ZNF341: variants seen among roughly 807,000 people sequenced by gnomAD.
ZNF341 encodes the protein zinc finger protein 341.
In ZNF341, 52 loss-of-function variants were observed where a neutral mutation model predicts 87.7. The ratio of observed to expected loss-of-function variants is 0.59; its 90% confidence interval spans 0.47 to 0.75. ZNF341 has a LOEUF of 0.75. ZNF341 is among the 30% of genes least tolerant of loss of function. The pLI, the probability that ZNF341 is intolerant of heterozygous loss-of-function variation, is 0.00. For synonymous variants in ZNF341, 459 were observed against 472.7 expected (o/e 0.97, Z 0.38); for missense variants, 977 against 1,145.9 (o/e 0.85, Z 2.13).
intron 6 of ZNF341, 137 bp from the exon 7 acceptor site, chr20:33,758,579 C>T (rs2019228523): frequency 1.6e-6 from 1 of 630,668 alleles, no homozygotes; most frequent in Non-Finnish European, 2.8e-6. Flanking sequence ...TCCCATGTCT[C>T]CTCCCTGGCC....
chr20:33,753,469 C>G (rs763778422), intron 5 of ZNF341, 46 bp downstream of exon 5: 2 of 1,515,262 alleles, frequency 1.3e-6, no homozygotes, highest in African/African-American at 2.7e-5. Flanking sequence ...TCATGGACAT[C>G]ATGGCCAACC....
In ZNF341 at chr20:33,785,140, C is replaced by T. The variant is rs530573666; in HGVS notation, c.1852+1276C>T. 2.6e-4 allele frequency among the ~76,000 whole-genome samples: 40 copies of T among 152,138 alleles called. No individual in the cohort carries two copies. In the South Asian group the frequency reaches 7.9e-3, roughly 30 times the overall value. On this transcript the variant is annotated intron_variant, in intron 12 of 14. Coordinates refer to ENST00000375200, the MANE Select transcript of ZNF341 (RefSeq NM_001282933.2). ...AGAAAACTTGAGGGAAAATCCTTGA[C>T]GGGACAAAAGCATATATAAAAAAAT...
chr20:33,741,019 A>ATC lies in ZNF341; in HGVS notation c.142+9_142+10dup. The ATC allele has an allele frequency of 6.2e-7, 1 of 1,613,072 alleles. No individual in the cohort carries two copies. Among genetic ancestry groups the ATC allele is most frequent in the Non-Finnish European group, 8.5e-7 (1 of 1,179,040 alleles). ...CCTGCTATCCAGCCATTGGGTGAGT[A>ATC]TCTGCTCAGGTTCACCGGTGGGAGA... is the stretch of plus-strand genomic sequence containing the variant. On this transcript the variant is annotated splice_region_variant and intron_variant, in intron 2 of 14. Transcript: ENST00000375200.
At chr20:33,775,951 CA>C (rs1351820221) in intron 10 of ZNF341, among the ~76,000 whole-genome samples, 23 of 152,162 alleles carry the variant, frequency 1.5e-4, no homozygotes, top group African/African-American at 5.5e-4. Flanking sequence ...CCACCCTCCT[CA>C]GCCTCCCAAA....
chr20:33,750,934 C>T (rs1234485133), intron 4 of ZNF341, among the ~76,000 whole-genome samples: 1 of 152,072 alleles, frequency 6.6e-6, no homozygotes, highest in African/African-American at 2.4e-5. Flanking sequence ...AGCCACCGTG[C>T]CTGGCCTAAA....
intron 6 of ZNF341, among the ~76,000 whole-genome samples, chr20:33,758,431 A>G (rs556251487): frequency 6.6e-6 from 1 of 152,310 alleles, no homozygotes; most frequent in East Asian, 1.9e-4. Context: ...TGTCAGGAGT[A>G]AGGGGATACA....
intron 8 of ZNF341, among the ~76,000 whole-genome samples, chr20:33,764,243 G>GT (rs2019351958): frequency 6.7e-6 from 1 of 150,146 alleles, no homozygotes; most frequent in Non-Finnish European, 1.5e-5. Context: ...TAGCCAGGAT[G>GT]GTCTCCATCT....
intron 12 of ZNF341, among the ~76,000 whole-genome samples, chr20:33,785,057 AT>A (rs1456030616): frequency 1.3e-5 from 2 of 152,106 alleles, no homozygotes; most frequent in African/African-American, 4.8e-5. Context: ...TAATCTTTAG[AT>A]TTTTTTATTA....
intron 12 of ZNF341, 48 bp downstream of exon 12, chr20:33,783,912 C>G (rs775611307): frequency 1.3e-6 from 2 of 1,554,360 alleles, no homozygotes; most frequent in African/African-American, 1.4e-5. Context: ...TCCCCTCCCC[C>G]TCCCCCTCTC....
At chr20:33,771,084 T>C (rs1014116763) in intron 10 of ZNF341, among the ~76,000 whole-genome samples, 39 of 151,878 alleles carry the variant, frequency 2.6e-4, no homozygotes, top group African/African-American at 9.4e-4. Context: ...ACCGTGTCAC[T>C]GCACTCCAGC....
At chr20:33,777,545 A>C (rs1177802501) in intron 10 of ZNF341, among the ~76,000 whole-genome samples, 1 of 151,458 alleles carries the variant, frequency 6.6e-6, no homozygotes, top group Non-Finnish European at 1.5e-5. Context: ...GAGGCAGGAG[A>C]ATCCCTTGAA....
chr20:33,759,757 GGAGAGAGAGAGAGAGGGAGA>G (rs2019254344), intron 7 of ZNF341, among the ~76,000 whole-genome samples: 1 of 151,162 alleles, frequency 6.6e-6, no homozygotes, highest in Middle Eastern at 3.4e-3. Context: ...TATAACAAAA[GGAGAGAGAGAGAGAGGGAGA>G]GAGAGAGAGA....
chr20:33,779,260 C>T (rs2019690980), intron 10 of ZNF341, among the ~76,000 whole-genome samples: 1 of 152,052 alleles, frequency 6.6e-6, no homozygotes, highest in Non-Finnish European at 1.5e-5. Context: ...AGCTAGATCT[C>T]ATGAGAACTC....
At chr20:33,787,114 GAC>G (rs766092018) in intron 12 of ZNF341, 1 of 150,972 alleles carries the variant, frequency 6.6e-6, no homozygotes, top group Non-Finnish European at 1.5e-5. Flanking sequence ...AGTTGCCACT[GAC>G]ACTTTGGTCT....
At chr20:33,751,190 A>G (rs1305904749) in intron 4 of ZNF341, among the ~76,000 whole-genome samples, 1 of 152,108 alleles carries the variant, frequency 6.6e-6, no homozygotes, top group Non-Finnish European at 1.5e-5. Flanking sequence ...TTTTATGAAA[A>G]TGGCTGGAGT....
chr20:33,752,120 T>C (rs2019071448), intron 4 of ZNF341: 2 of 356,854 alleles, frequency 5.6e-6, no homozygotes, highest in Admixed American at 3.8e-5. Flanking sequence ...CCCCCCCCCT[T>C]TTTTTTTAAT....
Position 33,749,081 on chromosome 20 carries a change from G to A in ZNF341, c.489+9G>A, listed in dbSNP as rs768423474. ...GCCCCCCACCTGTGCAGGTAAGAAG[G>A]TGTGGGCTTCTCACAGGGTCTTGAT... On this transcript the variant is annotated intron_variant, in intron 4 of 14. Coordinates refer to ENST00000375200, the MANE Select transcript of ZNF341 (RefSeq NM_001282933.2). The A allele has an allele frequency of 1.1e-5, 18 of 1,610,648 alleles. No homozygotes were observed. In the East Asian group the frequency reaches 1.6e-4, roughly 14 times the overall value.
rs910498188 is a variant in ZNF341, at chr20:33,788,975, G to T, written c.1964+1G>T. On this transcript the variant is annotated splice_donor_variant, in intron 13 of 14. Coordinates refer to ENST00000375200, the MANE Select transcript of ZNF341 (RefSeq NM_001282933.2). LOFTEE classifies it high-confidence loss of function. ...TCAAGAAATACAAATGCCCTTTCTC[G>T]TGAGTAGAGACTGCCATGCAGGGGG... 1 of 1,612,176 alleles carries T rather than the reference G, an allele frequency of 6.2e-7. No homozygotes were observed. The highest frequency in any genetic ancestry group is 8.5e-7 in the Non-Finnish European group (1 of 1,178,746).
In ZNF341 at chr20:33,788,987, T is replaced by C; in HGVS notation, c.1964+13T>C. On this transcript the variant is annotated intron_variant, in intron 13 of 14. Transcript: ENST00000375200. ...AATGCCCTTTCTCGTGAGTAGAGAC[T>C]GCCATGCAGGGGGGTGGGTAGCGGG... 2 of 1,593,082 alleles carry C rather than the reference T, an allele frequency of 1.3e-6. No individual in the cohort carries two copies. The highest frequency in any genetic ancestry group is 2.2e-5 in the South Asian group (2 of 90,656).
Sources: allele counts gnomAD v4.1 joint callset (sites outside exome capture counted in the v4.1 genomes callset), GRCh38; gene constraint gnomAD v4.1.1; transcripts MANE v1.5; gene names NCBI Gene and HGNC (gene_info 2026-07-23, HGNC 2026-07-21).